The following RORB variants were observed in gnomAD, a reference collection of about 807,000 sequenced individuals.
The protein encoded by RORB is nuclear receptor ROR-beta.
In RORB, 6 loss-of-function variants were observed where a neutral mutation model predicts 59.1. The ratio of observed to expected loss-of-function variants is 0.10; its 90% CI spans 0.06 to 0.20. The LOEUF (loss-of-function observed/expected upper bound fraction) is 0.20, where lower values mean the gene tolerates loss of function less well. RORB is among the 10% of genes least tolerant of loss of function. The pLI is 1.00. For synonymous variants in RORB, 215 were observed against 204.5 expected (o/e 1.05, Z -0.44); for missense variants, 320 against 560.5 (o/e 0.57, Z 4.33).
chr9:74,534,250 T>C (rs1038489668), intron 1 of RORB, among the ~76,000 whole-genome samples: 19 of 152,000 alleles, frequency 1.3e-4, no homozygotes, highest in Non-Finnish European at 2.2e-4. Context: ...TACGGAATGG[T>C]GAATGGAGGT....
intron 1 of RORB, among the ~76,000 whole-genome samples, chr9:74,505,652 C>G (rs1332237637): frequency 6.6e-6 from 1 of 151,970 alleles, no homozygotes; most frequent in Non-Finnish European, 1.5e-5. Context: ...TTGAGATGGG[C>G]CTCTAAAGAT....
intron 6 of RORB, among the ~76,000 whole-genome samples, chr9:74,665,015 T>C (rs548648928): frequency 6.6e-6 from 1 of 152,344 alleles, no homozygotes; most frequent in African/African-American, 2.4e-5. Context: ...CAAGAGTGAA[T>C]ACAGTAATCA....
At chr9:74,636,921 T>C (rs1056509372) in intron 3 of RORB, among the ~76,000 whole-genome samples, 3 of 152,196 alleles carry the variant, frequency 2.0e-5, no homozygotes, top group Non-Finnish European at 4.4e-5. Flanking sequence ...AAGTAAATTA[T>C]GCTAATACCA....
intron 9 of RORB, among the ~76,000 whole-genome samples, chr9:74,678,946 C>T (rs1301895936): frequency 6.6e-6 from 1 of 151,144 alleles, no homozygotes; most frequent in Non-Finnish European, 1.5e-5. Flanking sequence ...GCAGGAGAAT[C>T]GCTTGAACCC....
At chr9:74,669,171 A>G (rs952996956) in intron 8 of RORB, among the ~76,000 whole-genome samples, 2 of 152,224 alleles carry the variant, frequency 1.3e-5, no homozygotes, top group Admixed American at 6.5e-5. Flanking sequence ...TGTAGTGAGT[A>G]AAATATTTTT....
Position 74,690,002 on chromosome 9 carries a change from C to T in RORB, c.*4384C>T, listed in dbSNP as rs1262929122. The T allele has an allele frequency of 1.3e-5, 2 of 151,984 alleles. No individual in the cohort carries two copies. 9.4% of individuals were successfully genotyped at this position (151,984 alleles called of 1,614,324 possible). A position where few individuals can be genotyped will look rare whatever the true frequency, so the allele number is the denominator to read the frequency against. On this transcript the variant is annotated 3_prime_UTR_variant, in exon 10 of 10. Coordinates refer to ENST00000376896, the MANE Select transcript of RORB (RefSeq NM_006914.4). ...TTTCCAAGGAAGCTGCTACAATTTG[C>T]AGTCAATTCAGGCCATGGACGTCTG...
At chr9:74,544,336 G>A (rs546890400) in intron 1 of RORB, among the ~76,000 whole-genome samples, 6 of 152,222 alleles carry the variant, frequency 3.9e-5, no homozygotes, top group South Asian at 4.2e-4. Context: ...ACTGTTCTTC[G>A]GTTTCCAGAG....
intron 4 of RORB, among the ~76,000 whole-genome samples, chr9:74,649,304 G>T (rs529429184): frequency 1.3e-4 from 20 of 152,254 alleles, no homozygotes; most frequent in African/African-American, 4.3e-4. Context: ...CTGGGTCATT[G>T]GAGAGGGTCT....
At chr9:74,530,446 G>C (rs996861135) in intron 1 of RORB, among the ~76,000 whole-genome samples, 2 of 151,984 alleles carry the variant, frequency 1.3e-5, no homozygotes, top group Non-Finnish European at 2.9e-5. Flanking sequence ...TGGCCACCGG[G>C]AGAGAAAATT....
At chr9:74,585,225 G>A (rs1822780731) in intron 1 of RORB, among the ~76,000 whole-genome samples, 1 of 152,206 alleles carries the variant, frequency 6.6e-6, no homozygotes, top group Admixed American at 6.5e-5. Context: ...GCTTCCAAAA[G>A]TACGACTCAG....
chr9:74,498,272 C>G (rs1270624362), intron 1 of RORB: 3 of 466,340 alleles, frequency 6.4e-6, no homozygotes, highest in African/African-American at 1.9e-5. Flanking sequence ...ATCTTTTTTG[C>G]TTGTCGCTCT....
intron 1 of RORB, among the ~76,000 whole-genome samples, chr9:74,549,760 C>T (rs2118159227): frequency 6.6e-6 from 1 of 152,126 alleles, no homozygotes; most frequent in South Asian, 2.1e-4. Context: ...CGGAATTTTG[C>T]TCTGTCACCC....
chr9:74,616,353 C>G (rs1823312680), intron 1 of RORB, among the ~76,000 whole-genome samples: 1 of 152,120 alleles, frequency 6.6e-6, no homozygotes. Context: ...AATATAAACA[C>G]TGCATTGTTC....
At position 74,691,203 on chromosome 9, in the gene RORB, A is replaced by G. The variant is rs1269053677; in HGVS notation, c.*5585A>G. ...TGGCCTCCAGTGGATCAGAGAAAGC[A>G]GCTCAGTGATTGTTCTCATGGCCAA... On this transcript the variant is annotated 3_prime_UTR_variant, in exon 10 of 10. Transcript: ENST00000376896. The G allele has an allele frequency of 6.6e-6, 1 of 152,234 alleles. No homozygotes were observed. Among genetic ancestry groups the G allele is most frequent in the East Asian group, 1.9e-4 (1 of 5,192 alleles). The allele number at this position is 152,234 out of a possible 1,614,324, so 9.4% of individuals were successfully genotyped here. A position where few individuals can be genotyped will look rare whatever the true frequency, so the allele number is the denominator to read the frequency against.
chr9:74,683,961 GA>G (rs1824592033), intron 9 of RORB, among the ~76,000 whole-genome samples: 1 of 152,152 alleles, frequency 6.6e-6, no homozygotes, highest in Non-Finnish European at 1.5e-5. Context: ...AATAATGTTG[GA>G]GGTAAAGTTT....
chr9:74,621,046 AC>A (rs1229246039), intron 1 of RORB, among the ~76,000 whole-genome samples: 2 of 151,966 alleles, frequency 1.3e-5, no homozygotes, highest in African/African-American at 4.8e-5. Flanking sequence ...GCACTCACCA[AC>A]CCCCCAGACA....
intron 1 of RORB, among the ~76,000 whole-genome samples, chr9:74,556,500 G>A (rs1247954478): frequency 9.9e-5 from 15 of 152,170 alleles, no homozygotes; most frequent in Non-Finnish European, 1.9e-4. Context: ...TTTATCTGAG[G>A]ATTTGGGGAC....
At chr9:74,623,168 G>T (rs1217512720) in intron 1 of RORB, among the ~76,000 whole-genome samples, 1 of 152,118 alleles carries the variant, frequency 6.6e-6, no homozygotes, top group African/African-American at 2.4e-5. Context: ...AAACTGTATG[G>T]TTTTTAACTG....
chr9:74,646,050 GA>G (rs559864394), intron 4 of RORB, among the ~76,000 whole-genome samples: 2 of 151,008 alleles, frequency 1.3e-5, no homozygotes, highest in African/African-American at 2.4e-5. Flanking sequence ...AGCTGCCATA[GA>G]AAAAAACCCT....
Sources: allele counts gnomAD v4.1 joint callset (sites outside exome capture counted in the v4.1 genomes callset), GRCh38; gene constraint gnomAD v4.1.1; transcripts MANE v1.5; gene names NCBI Gene and HGNC (gene_info 2026-07-23, HGNC 2026-07-21).